PCDHA8: variants seen among roughly 807,000 people sequenced by gnomAD.
PCDHA8 encodes the protein protocadherin alpha 8.
In PCDHA8, 53 loss-of-function variants were observed where a neutral mutation model predicts 61.8. The observed-to-expected ratio is 0.86, with a 90% CI of 0.69 to 1.08. PCDHA8 has a LOEUF of 1.08. Ranked by LOEUF, PCDHA8 falls within the 50% of genes least tolerant of loss-of-function variation. The pLI is 0.00. For missense variants in PCDHA8, 1,293 were observed against 1,245.0 expected, an observed-to-expected ratio of 1.04 and a Z score of -0.58; for synonymous variants, 618 against 556.6, an observed-to-expected ratio of 1.11 and a Z score of -1.55.
chr5:140,959,753 T>C (rs1479386012), intron 1 of PCDHA8, among the ~76,000 whole-genome samples: 1 of 152,226 alleles, frequency 6.6e-6, no homozygotes. Context: ...TTAAAGTATA[T>C]TTTAATATTC....
intron 1 of PCDHA8, among the ~76,000 whole-genome samples, chr5:140,892,469 A>G (rs557049666): frequency 1.3e-5 from 2 of 152,302 alleles, no homozygotes; most frequent in South Asian, 4.1e-4. Context: ...ACGGTTATTC[A>G]GTTTCCTAGC....
chr5:140,970,293 T>C (rs2096396195), intron 1 of PCDHA8, among the ~76,000 whole-genome samples: 3 of 152,220 alleles, frequency 2.0e-5, no homozygotes, highest in Admixed American at 2.0e-4. Context: ...TTTCAAGTCC[T>C]TCATGTCTTT....
chr5:140,876,012 T>C (rs2056048598), intron 1 of PCDHA8: 1 of 1,613,604 alleles, frequency 6.2e-7, no homozygotes, highest in Non-Finnish European at 8.5e-7. Flanking sequence ...ATTTTGAGCT[T>C]AAAATAAAAA....
intron 1 of PCDHA8, among the ~76,000 whole-genome samples, chr5:140,881,674 T>C (rs782706305): frequency 5.3e-5 from 8 of 152,254 alleles, no homozygotes; most frequent in Non-Finnish European, 1.0e-4. Context: ...TCTTATGTGA[T>C]TGTTATGTTT....
chr5:140,870,956 G>T (rs1554164932), intron 1 of PCDHA8: 2 of 1,613,520 alleles, frequency 1.2e-6, no homozygotes, highest in East Asian at 2.2e-5. Flanking sequence ...GGCGGCTCGC[G>T]CATCCCGTTC....
chr5:140,994,667 T>G (rs2097644091), intron 3 of PCDHA8, among the ~76,000 whole-genome samples: 1 of 152,140 alleles, frequency 6.6e-6, no homozygotes, highest in Non-Finnish European at 1.5e-5. Flanking sequence ...ATCACACTAC[T>G]GCACTCCAGC....
chr5:140,863,464 C>A, intron 1 of PCDHA8: 1 of 512,348 alleles, frequency 2.0e-6, no homozygotes, highest in South Asian at 1.5e-5. Context: ...AGATTTTACT[C>A]TGGAGAGTCG....
At chr5:140,936,425 T>C (rs1471918068) in intron 1 of PCDHA8, among the ~76,000 whole-genome samples, 2 of 152,244 alleles carry the variant, frequency 1.3e-5, no homozygotes, top group Non-Finnish European at 2.9e-5. Flanking sequence ...TAATTTTAAT[T>C]AATTTAAGCT....
At chr5:140,946,720 A>C (rs1460843213) in intron 1 of PCDHA8, among the ~76,000 whole-genome samples, 4 of 150,970 alleles carry the variant, frequency 2.6e-5, no homozygotes, top group African/African-American at 9.8e-5. Flanking sequence ...ATGTTTAGTT[A>C]AATAAGCCAG....
chr5:140,876,055 G>A (rs782670279), intron 1 of PCDHA8: 2 of 1,613,934 alleles, frequency 1.2e-6, no homozygotes, highest in Non-Finnish European at 1.7e-6. Context: ...GCCTGAATTA[G>A]TTCTTCGGAA....
intron 3 of PCDHA8, among the ~76,000 whole-genome samples, chr5:140,990,262 C>T (rs2097383201): frequency 6.6e-6 from 1 of 152,152 alleles, no homozygotes; most frequent in South Asian, 2.1e-4. Context: ...GGATACCAAA[C>T]AATGTACCCC....
At chr5:140,968,835 A>C in intron 1 of PCDHA8, 2 of 1,614,194 alleles carry the variant, frequency 1.2e-6, no homozygotes, top group Non-Finnish European at 1.7e-6. Flanking sequence ...ATCCTCCCTG[A>C]CACTCAGAGG....
chr5:140,868,938 T>A (rs2050744008), intron 1 of PCDHA8: 1 of 1,227,724 alleles, frequency 8.1e-7, no homozygotes, highest in Non-Finnish European at 1.1e-6. Flanking sequence ...AAGGTTGGTC[T>A]GAACAGTGAG....
At chr5:140,891,454 A>C (rs1562858065) in intron 1 of PCDHA8, among the ~76,000 whole-genome samples, 1 of 145,650 alleles carries the variant, frequency 6.9e-6, no homozygotes, top group East Asian at 2.1e-4. Context: ...AGGATTTTTG[A>C]ATTTGTGAAT....
Position 140,928,819 on chromosome 5 carries a change from G to A in PCDHA8, c.2395-50130G>A, listed in dbSNP as rs1464149149. On this transcript the variant is annotated intron_variant, in intron 1 of 3. Coordinates refer to ENST00000531613, the MANE Select transcript of PCDHA8 (RefSeq NM_018911.3). ...GGTGGTAGTGGTTCGGGACCATGGAGACCCACCACTTTCCTCCTCTGTCAC... is the reference window on the plus strand; with the variant it reads ...GGTGGTAGTGGTTCGGGACCATGGAAACCCACCACTTTCCTCCTCTGTCAC... 8 of 1,614,024 alleles carry A rather than the reference G, an allele frequency of 5.0e-6. No homozygotes were observed. In the Admixed American group the frequency reaches 1.0e-4, roughly 20 times the overall value.
chr5:140,899,402 G>A lies in PCDHA8; in HGVS notation c.2394+55687G>A, dbSNP rs1465071147. On this transcript the variant is annotated intron_variant, in intron 1 of 3. Transcript: ENST00000531613. ...TTTATTGAGAGTTTTTAGCATGAAG[G>A]GTTGTTGAATTTTGTCAAAGGTCTT... Among the ~76,000 whole-genome samples, 5 of 152,122 alleles carry A rather than the reference G, an allele frequency of 3.3e-5. No individual in the cohort carries two copies. The East Asian group carries it at 7.7e-4, about 24-fold the overall frequency.
intron 1 of PCDHA8, chr5:140,870,101 G>C (rs1345689033): frequency 3.1e-6 from 5 of 1,613,914 alleles, no homozygotes; most frequent in Non-Finnish European, 4.2e-6. Context: ...GCAGGTCACT[G>C]TACAGTCTGG....
chr5:140,969,363 C>T, intron 1 of PCDHA8: 2 of 1,610,732 alleles, frequency 1.2e-6, no homozygotes, highest in Non-Finnish European at 8.5e-7. Context: ...CTTCTACAAA[C>T]TCATGCATTT....
intron 1 of PCDHA8, among the ~76,000 whole-genome samples, chr5:140,925,189 C>T (rs1488098385): frequency 1.3e-5 from 2 of 152,116 alleles, no homozygotes; most frequent in Non-Finnish European, 1.5e-5. Context: ...TACCATCACC[C>T]AGCTTCAATA....
Sources: allele counts gnomAD v4.1 joint callset (sites outside exome capture counted in the v4.1 genomes callset), GRCh38; gene constraint gnomAD v4.1.1; transcripts MANE v1.5; gene names NCBI Gene and HGNC (gene_info 2026-07-23, HGNC 2026-07-21).